Variants in RASSF2 observed in about 807,000 individuals in gnomAD.
The protein encoded by RASSF2 is ras association domain-containing protein 2.
In RASSF2, 34 loss-of-function variants were observed where a neutral mutation model predicts 46.3. The observed-to-expected ratio is 0.73, with a 90% CI of 0.56 to 0.98. The LOEUF (loss-of-function observed/expected upper bound fraction) is 0.98. RASSF2 is among the 50% of genes least tolerant of loss of function. The pLI, the probability that RASSF2 is intolerant of heterozygous loss-of-function variation, is 0.00. For synonymous variants in RASSF2, 158 were observed against 162.5 expected (o/e 0.97, Z 0.21); for missense variants, 364 against 431.2 (o/e 0.84, Z 1.38).
chr20:4,803,306 C>T (rs6084896), intron 2 of RASSF2, among the ~76,000 whole-genome samples: 39,533 of 151,966 alleles, frequency 0.26, 5,456 homozygotes, highest in African/African-American at 0.31. Flanking sequence ...GAAGGATCCA[C>T]GACCCGAGGG....
Position 4,780,672 on chromosome 20 carries a change from A to G in RASSF2, c.*3601T>C, listed in dbSNP as rs952612023. On this transcript the variant is annotated 3_prime_UTR_variant, in exon 12 of 12. Transcript: ENST00000379400. Reference sequence around the variant, plus strand: ...CACTGAAATTGCCTTGTTCATGTAGAAATTTCTCTTTTGGCTGGGCACAGT... The same window carrying G: ...CACTGAAATTGCCTTGTTCATGTAGGAATTTCTCTTTTGGCTGGGCACAGT... 3 of 152,250 alleles carry G rather than the reference A, an allele frequency of 2.0e-5. No individual in the cohort carries two copies. The highest frequency in any genetic ancestry group is 2.0e-4 in the Admixed American group (3 of 15,280). The allele number at this position is 152,250 out of a possible 1,614,324, so 9.4% of individuals were successfully genotyped here.
At chr20:4,801,974 A>T (rs1264466987) in intron 2 of RASSF2, among the ~76,000 whole-genome samples, 1 of 152,216 alleles carries the variant, frequency 6.6e-6, no homozygotes, top group Non-Finnish European at 1.5e-5. Flanking sequence ...TCCTGACCTC[A>T]GGTGATCCGC....
intron 2 of RASSF2, among the ~76,000 whole-genome samples, chr20:4,813,875 A>G (rs1568581458): frequency 6.6e-6 from 1 of 151,790 alleles, no homozygotes; most frequent in Admixed American, 6.6e-5. Flanking sequence ...TGTGCTTGGT[A>G]TGTGTAGAAT....
intron 2 of RASSF2, among the ~76,000 whole-genome samples, chr20:4,816,728 C>T (rs1194559332): frequency 6.6e-6 from 1 of 152,178 alleles, no homozygotes; most frequent in Non-Finnish European, 1.5e-5. Flanking sequence ...TCACTATTGA[C>T]ATTTTACCAT....
rs1012719350 is a variant in RASSF2, at chr20:4,812,876, G to A, written c.-33+9453C>T. ...TGGATCTGAGAGGGCCACTATGCGA[G>A]TAGCAGGTGCAGGCTGGCTCCAGCT... On this transcript the variant is annotated intron_variant, in intron 2 of 11. Transcript: ENST00000379400. The surrounding 1 kb of genome is among the most constrained non-coding windows in gnomAD (Gnocchi z 4.0). Among the ~76,000 whole-genome samples, 1 of 152,216 alleles carries A rather than the reference G, an allele frequency of 6.6e-6. No individual in the cohort carries two copies. Among genetic ancestry groups the A allele is most frequent in the Admixed American group, 6.5e-5 (1 of 15,284 alleles).
rs369619058 is a variant in RASSF2 at position 4,818,779 on chromosome 20, T to C, written c.-33+3550A>G. On this transcript the variant is annotated intron_variant, in intron 2 of 11. Transcript: ENST00000379400. ...CTCCAAAGCACTGTAACTCTCTATG[T>C]TCCACCATAATACACACTCTGAAAT... Among the ~76,000 whole-genome samples, 82 of 152,314 alleles carry C rather than the reference T, an allele frequency of 5.4e-4. 2 individuals carry two copies. In the South Asian group the frequency reaches 0.016, roughly 29 times the overall value.
chr20:4,781,551 A>G lies in RASSF2; in HGVS notation c.*2722T>C, dbSNP rs1219910068. The stretch of plus-strand genomic sequence containing the variant: ...TCAGCCTCTCCCCAAGATAATCCCC[A>G]CCCCCTGCCATTTAAGTCATCACCT... On this transcript the variant is annotated 3_prime_UTR_variant, in exon 12 of 12. Coordinates refer to ENST00000379400, the MANE Select transcript of RASSF2 (RefSeq NM_014737.3). 1 of 152,028 alleles carries G rather than the reference A, an allele frequency of 6.6e-6. No individual in the cohort carries two copies. The allele number at this position is 152,028 out of a possible 1,614,324, so 9.4% of individuals were successfully genotyped here.
chr20:4,816,170 G>T (rs781590528), intron 2 of RASSF2, among the ~76,000 whole-genome samples: 3 of 151,996 alleles, frequency 2.0e-5, no homozygotes, highest in Admixed American at 6.6e-5. Flanking sequence ...GTGTGGTGGC[G>T]TGCACCTGTA....
rs66613512 is a variant in RASSF2 at position 4,788,200 on chromosome 20, GT to G, written c.691+16del. On this transcript the variant is annotated intron_variant, in intron 9 of 11. Coordinates refer to ENST00000379400, the MANE Select transcript of RASSF2 (RefSeq NM_014737.3). ...TTAATTAGAAGTTTTAAAGTACACT[GT>G]GGTCTTCAGACTTACCACCACTCGT... 0.13 allele frequency: 208,420 copies of G among 1,561,966 alleles called. 15,062 individuals are homozygous for G. The highest frequency in any genetic ancestry group is 0.18 in the East Asian group (8,088 of 44,578).
At position 4,783,494 on chromosome 20, in the gene RASSF2, AG is replaced by A. The variant is rs1925018139; in HGVS notation, c.*778del. The A allele has an allele frequency of 6.5e-6, 1 of 152,696 alleles. No homozygotes were observed. The highest frequency in any genetic ancestry group is 6.5e-5 in the Admixed American group (1 of 15,288). The allele number at this position is 152,696 out of a possible 1,614,324, so 9.5% of individuals were successfully genotyped here. On this transcript the variant is annotated 3_prime_UTR_variant, in exon 12 of 12. Coordinates refer to ENST00000379400, the MANE Select transcript of RASSF2 (RefSeq NM_014737.3). ...ACACAGGATCTTCTCTGTCTCCTAA[AG>A]GTAGCCATGGAGGCAGAGATGGAGG...
chr20:4,819,451 C>T (rs1398072684), intron 2 of RASSF2, among the ~76,000 whole-genome samples: 1 of 152,136 alleles, frequency 6.6e-6, no homozygotes, highest in Admixed American at 6.5e-5. Context: ...ACACTATGAG[C>T]AATTGAGATT....
chr20:4,812,564 G>A lies in RASSF2; in HGVS notation c.-33+9765C>T, dbSNP rs1194260097. Among the ~76,000 whole-genome samples, 3 of 152,208 alleles carry A rather than the reference G, an allele frequency of 2.0e-5. No individual in the cohort carries two copies. The highest frequency in any genetic ancestry group is 2.1e-4 in the South Asian group (1 of 4,830). On this transcript the variant is annotated intron_variant, in intron 2 of 11. Transcript: ENST00000379400. The surrounding 1 kb of genome is among the most constrained non-coding windows in gnomAD (Gnocchi z 4.0). ...CTTGAGTGTGTATTGGAATCTCTCC[G>A]AGGGCTCGTTAAAATACAGATTGCA...
rs750172722 is a variant in RASSF2, at chr20:4,795,985, G to C, written c.136-19C>G. 6.7e-7 allele frequency: 1 copy of C among 1,490,978 alleles called. No homozygotes were observed. The highest frequency in any genetic ancestry group is 9.0e-7 in the Non-Finnish European group (1 of 1,114,852). 92.4% of individuals were successfully genotyped at this position (1,490,978 alleles called of 1,614,324 possible). ...CTTCTTCCTGCCCACAAAGCAATCA[G>C]AGTAGTGAGCCTAGAAAAGCCCCCA... On this transcript the variant is annotated intron_variant, in intron 4 of 11. Transcript: ENST00000379400. This position sits in a 1 kb window ranked among gnomAD's most constrained non-coding sequence, Gnocchi z 4.0.
At chr20:4,784,575 T>C (rs182491462) in intron 11 of RASSF2, among the ~76,000 whole-genome samples, 205 of 116,562 alleles carry the variant, frequency 1.8e-3, no homozygotes, top group Non-Finnish European at 2.1e-3. Flanking sequence ...TATTTTACTA[T>C]GGGTAGAACA....
intron 2 of RASSF2, among the ~76,000 whole-genome samples, chr20:4,803,864 G>A (rs1927109493): frequency 1.3e-5 from 2 of 152,180 alleles, no homozygotes; most frequent in Admixed American, 6.5e-5. Flanking sequence ...TTCAAGACCA[G>A]CCTGGGCAAC....
chr20:4,823,478 G>A (rs1394842889), intron 1 of RASSF2, 79 bp downstream of exon 1: 2 of 152,376 alleles, frequency 1.3e-5, no homozygotes, highest in Admixed American at 6.5e-5. Flanking sequence ...CGCGACTGGG[G>A]ACCGGGCGCC....
rs1925544367 is a variant in RASSF2 at position 4,788,280 on chromosome 20, G to A, written c.640-12C>T. 6.2e-7 allele frequency: 1 copy of A among 1,603,642 alleles called. No homozygotes were observed. Among genetic ancestry groups the A allele is most frequent in the Non-Finnish European group, 8.5e-7 (1 of 1,170,462 alleles). On this transcript the variant is annotated splice_polypyrimidine_tract_variant and intron_variant, in intron 8 of 11. Transcript: ENST00000379400. ...GCTGAATTCTCAATCTGAAGCAGGA[G>A]CAAAAGATTCTTGTTGAAAGTTTCT...
intron 2 of RASSF2, among the ~76,000 whole-genome samples, chr20:4,820,598 C>T (rs996899852): frequency 9.2e-5 from 14 of 152,132 alleles, no homozygotes; most frequent in African/African-American, 3.4e-4. Flanking sequence ...TGTGTCATTA[C>T]AGTAAACAAC....
intron 2 of RASSF2, among the ~76,000 whole-genome samples, chr20:4,819,661 A>G (rs1014567954): frequency 2.0e-5 from 3 of 152,214 alleles, no homozygotes; most frequent in African/African-American, 7.2e-5. Context: ...ATGCAATTCA[A>G]ACTCCAAATC....
Sources: gnomAD v4.1 joint callset for allele counts (sites outside exome capture counted in the v4.1 genomes callset) on GRCh38, gnomAD v4.1.1 for gene constraint, Gnocchi (gnomAD v3.1) non-coding constraint, MANE v1.5 for transcripts, NCBI Gene and HGNC (gene_info 2026-07-23, HGNC 2026-07-21) for gene names.